Variants in RSRP1 observed in about 807,000 individuals in gnomAD.
The protein encoded by RSRP1 is arginine and serine rich protein 1.
RSRP1 carries 37 observed loss-of-function variants against 33.0 expected under a neutral mutation model. That is an observed-to-expected ratio of 1.12 (90% CI 0.86 to 1.48). The LOEUF (loss-of-function observed/expected upper bound fraction) is 1.48, where lower values mean the gene tolerates loss of function less well. RSRP1 is among the 40% of genes most tolerant of loss of function. The probability of loss-of-function intolerance (pLI) is 0.00; values close to 1 mark genes in which losing one functional copy is unlikely to be tolerated. For missense variants in RSRP1, 402 were observed against 385.3 expected (o/e 1.04, Z -0.36); for synonymous variants, 167 against 158.7 (o/e 1.05, Z -0.40).
intron 1 of RSRP1, among the ~76,000 whole-genome samples, chr1:25,263,633 G>A (rs1218870725): frequency 6.6e-6 from 1 of 151,582 alleles, no homozygotes; most frequent in Non-Finnish European, 1.5e-5. Flanking sequence ...GATTTGGGTG[G>A]GGACACAACC....
Position 25,300,912 on chromosome 1 carries a change from C to G in RSRP1, c.-67+37066G>C, listed in dbSNP as rs1394153489. 3 of 1,370,168 alleles carry G rather than the reference C, an allele frequency of 2.2e-6. 1 individual carries two copies. In the South Asian group the frequency reaches 3.5e-5, roughly 16 times the overall value. The allele number at this position is 1,370,168 out of a possible 1,614,324, so 84.9% of individuals were successfully genotyped here. A position where few individuals can be genotyped will look rare whatever the true frequency, so the allele number is the denominator to read the frequency against. On this transcript the variant is annotated intron_variant, in intron 1 of 1. Coordinates refer to the RSRP1 transcript ENST00000561867. ...AGGGCTTGCCCCGGGCAGAGGATGC[C>G]GACACTCACTGCTCTTACTGGGTTT... is the stretch of plus-strand genomic sequence containing the variant.
rs529840333 is a variant in RSRP1 at position 25,268,408 on chromosome 1, A to G, written c.-66-21379T>C. ...GTGGCTCATGCCTGTAGTCCCAGCT[A>G]CTTGGGAGGCTGAGGAAGGAGAATC... On this transcript the variant is annotated intron_variant, in intron 1 of 1. Coordinates refer to the RSRP1 transcript ENST00000561867. Among the ~76,000 whole-genome samples the G allele has an allele frequency of 9.1e-5, 12 of 131,396 alleles. 1 individual carries two copies. The East Asian group carries it at 2.2e-3, about 24-fold the overall frequency. The allele number at this position is 131,396 out of a possible 152,430, so 86.2% of individuals were successfully genotyped here.
intron 1 of RSRP1, among the ~76,000 whole-genome samples, chr1:25,275,096 C>G (rs1640842301): frequency 7.6e-6 from 1 of 132,302 alleles, no homozygotes; most frequent in South Asian, 2.3e-4. Flanking sequence ...TCGAGACCAG[C>G]CTGGCCAACA....
chr1:25,245,284 C>G lies in RSRP1; in HGVS notation c.538G>C (p.Glu180Gln). 6.2e-7 allele frequency: 1 copy of G among 1,613,234 alleles called. No homozygotes were observed. The highest frequency in any genetic ancestry group is 8.5e-7 in the Non-Finnish European group (1 of 1,179,758). Residue 180 changes from glutamate to glutamine, a missense_variant, in exon 3 of 5, where the codon GAA (glutamate) becomes CAA (glutamine). By Grantham distance (29) the Glu-to-Gln change is conservative. Transcript: ENST00000243189. ...TTCGCTGCATTGGTTTTTGCTATTTCTAACAGCTCCATTCGATCTAAAAAA... is the reference window on the plus strand; with the variant it reads ...TTCGCTGCATTGGTTTTTGCTATTTGTAACAGCTCCATTCGATCTAAAAAA... The part of the protein sequence containing the change: ...LSEKDRMELL[E>Q]IAKTNAAKAL...
intron 1 of RSRP1, among the ~76,000 whole-genome samples, chr1:25,274,042 A>G (rs982717779): frequency 7.5e-6 from 1 of 132,616 alleles, no homozygotes. Context: ...ATACAATTCA[A>G]TGCATTCCAT....
chr1:25,273,959 C>A (rs895233918), intron 1 of RSRP1, among the ~76,000 whole-genome samples: 1 of 130,774 alleles, frequency 7.6e-6, no homozygotes, highest in African/African-American at 2.6e-5. Context: ...CAGAGAGGAG[C>A]CTTCAGTGAC....
At chr1:25,262,472 G>A (rs761555903) in intron 1 of RSRP1, among the ~76,000 whole-genome samples, 1 of 152,156 alleles carries the variant, frequency 6.6e-6, no homozygotes, top group African/African-American at 2.4e-5. Flanking sequence ...GTCAGGGTTC[G>A]CCAAAGAGAC....
At position 25,242,343 on chromosome 1, in the gene RSRP1, A is replaced by G. The variant is rs1454673547; in HGVS notation, c.*246T>C. 7.1e-6 allele frequency: 2 copies of G among 282,478 alleles called. No individual in the cohort carries two copies. The highest frequency in any genetic ancestry group is 1.3e-5 in the Non-Finnish European group (2 of 152,126). 17.5% of individuals were successfully genotyped at this position (282,478 alleles called of 1,614,324 possible). On this transcript the variant is annotated 3_prime_UTR_variant, in exon 5 of 5. Coordinates refer to ENST00000243189, the MANE Select transcript of RSRP1 (RefSeq NM_020317.5). ...ATTTCATTTTTACATAACCAAGACAATATTTACAACTATATACAAAAGACT... is the reference window on the plus strand; with the variant it reads ...ATTTCATTTTTACATAACCAAGACAGTATTTACAACTATATACAAAAGACT...
Position 25,334,497 on chromosome 1 carries a change from G to A in RSRP1, c.-67+3481C>T, listed in dbSNP as rs1237420352. 1.5e-5 allele frequency among the ~76,000 whole-genome samples: 2 copies of A among 131,476 alleles called. 1 individual carries two copies. Among genetic ancestry groups the A allele is most frequent in the Non-Finnish European group, 3.6e-5 (2 of 55,592 alleles). The allele number at this position is 131,476 out of a possible 152,430, so 86.3% of individuals were successfully genotyped here. ...AAGCTGTCGGTGGATCTACCATTCT[G>A]GGGTCTGGAGGACCTCTTCTCACAG... On this transcript the variant is annotated intron_variant, in intron 1 of 1. Transcript: ENST00000561867.
rs551831298 is a variant in RSRP1 at position 25,282,449 on chromosome 1, A to G, written c.-66-35420T>C. On this transcript the variant is annotated intron_variant, in intron 1 of 1. Coordinates refer to the RSRP1 transcript ENST00000561867. ...GGGGTTTCACCATGTTGGCCAGGCT[A>G]GTCTCGAACTGCTGACTTCATGATC... Among the ~76,000 whole-genome samples, 35 of 131,168 alleles carry G rather than the reference A, an allele frequency of 2.7e-4. 3 individuals carry two copies. In the East Asian group the frequency reaches 5.7e-3, roughly 21 times the overall value. The allele number at this position is 131,168 out of a possible 152,430, so 86.1% of individuals were successfully genotyped here.
At chr1:25,292,471 T>G (rs964174766) in intron 1 of RSRP1, among the ~76,000 whole-genome samples, 2 of 132,050 alleles carry the variant, frequency 1.5e-5, no homozygotes, top group African/African-American at 5.2e-5. Flanking sequence ...ATTGACAGGA[T>G]TTGCTGATAG....
chr1:25,244,358 A>G, intron 3 of RSRP1: 2 of 1,288,838 alleles, frequency 1.6e-6, no homozygotes, highest in Non-Finnish European at 2.0e-6. Flanking sequence ...AAATTCTAGC[A>G]TGCACATGGA....
At chr1:25,290,554 AGAAT>A (rs112473736) in intron 1 of RSRP1, 32,748 of 1,095,748 alleles carry the variant, frequency 0.03, 6,060 homozygotes, top group African/African-American at 0.071. Flanking sequence ...GTTTGTTGAA[AGAAT>A]GAATGAATGA....
chr1:25,293,090 G>T lies in RSRP1; in HGVS notation c.-67+44888C>A, dbSNP rs1423855978. Among the ~76,000 whole-genome samples, 6 of 131,626 alleles carry T rather than the reference G, an allele frequency of 4.6e-5. 2 individuals carry two copies. The highest frequency in any genetic ancestry group is 1.5e-4 in the Admixed American group (2 of 13,554). 86.4% of individuals were successfully genotyped at this position (131,626 alleles called of 152,430 possible). ...GGCATGCATGGTTGTAGAGGAGGAT[G>T]AAGGCAACAGCCTGGCTTGACTGAT... On this transcript the variant is annotated intron_variant, in intron 1 of 1. Transcript: ENST00000561867.
In RSRP1 at chr1:25,256,303, C is replaced by T. The variant is rs570225115; in HGVS notation, c.-66-9274G>A. Among the ~76,000 whole-genome samples, 71 of 152,006 alleles carry T rather than the reference C, an allele frequency of 4.7e-4. 1 individual carries two copies. The highest frequency in any genetic ancestry group is 1.5e-3 in the African/African-American group (61 of 41,436). On this transcript the variant is annotated intron_variant, in intron 1 of 1. Coordinates refer to the RSRP1 transcript ENST00000561867. ...CTGAGTAGCTAGGACTACAGGCATG[C>T]GCCACTACACCTGACTAATTTTTAA...
chr1:25,244,177 T>C (rs1159399639), intron 3 of RSRP1: 2 of 1,288,834 alleles, frequency 1.6e-6, no homozygotes, highest in East Asian at 1.1e-4. Flanking sequence ...TATAATAAAC[T>C]TATCTGCAAG....
intron 1 of RSRP1, among the ~76,000 whole-genome samples, chr1:25,274,813 C>G (rs1268663223): frequency 7.5e-6 from 1 of 133,470 alleles, no homozygotes; most frequent in East Asian, 1.9e-4. Context: ...TCGAGACCAG[C>G]CTGGCCAACA....
chr1:25,290,156 C>T lies in RSRP1; in HGVS notation c.-66-43127G>A, dbSNP rs1188680278. Among the ~76,000 whole-genome samples, 74 of 129,870 alleles carry T rather than the reference C, an allele frequency of 5.7e-4. 14 individuals carry two copies. Among genetic ancestry groups the T allele is most frequent in the Non-Finnish European group, 5.4e-4 (30 of 55,288 alleles). 85.2% of individuals were successfully genotyped at this position (129,870 alleles called of 152,430 possible). On this transcript the variant is annotated intron_variant, in intron 1 of 1. Transcript: ENST00000561867. ...CCTGATTCCAAATCCAGTTTCTTTCCACTGCCACGGAGACGGAGAGAAGGG... is the reference window on the plus strand; with the variant it reads ...CCTGATTCCAAATCCAGTTTCTTTCTACTGCCACGGAGACGGAGAGAAGGG...
rs1249640371 is a variant in RSRP1, at chr1:25,269,821, A to G, written c.-66-22792T>C. ...CTGCGAGGAGCGGGATCCTCTTGTC[A>G]AGCAGTCAGTCCCTGCTGCTTCCTT... On this transcript the variant is annotated intron_variant, in intron 1 of 1. Coordinates refer to the RSRP1 transcript ENST00000561867. Among the ~76,000 whole-genome samples, 15 of 132,482 alleles carry G rather than the reference A, an allele frequency of 1.1e-4. 2 individuals are homozygous for G. In the East Asian group the frequency reaches 1.2e-3, roughly 10 times the overall value. 86.9% of individuals were successfully genotyped at this position (132,482 alleles called of 152,430 possible).
Sources: allele counts gnomAD v4.1 joint callset (sites outside exome capture counted in the v4.1 genomes callset), GRCh38; gene constraint gnomAD v4.1.1; transcripts MANE v1.5; gene names NCBI Gene and HGNC (gene_info 2026-07-23, HGNC 2026-07-21).